ADAMTS17: variants seen among roughly 807,000 people sequenced by gnomAD.
The protein encoded by ADAMTS17 is A disintegrin and metalloproteinase with thrombospondin motifs 17.
Under a neutral mutation model 141.5 loss-of-function variants are expected in ADAMTS17, and 113 were observed. That is an observed-to-expected ratio of 0.80 (90% CI 0.69 to 0.93). ADAMTS17 has a LOEUF of 0.93. Ranked by LOEUF, ADAMTS17 falls within the 40% of genes least tolerant of loss-of-function variation. The pLI, the probability that ADAMTS17 is intolerant of heterozygous loss-of-function variation, is 0.00. For missense variants in ADAMTS17, 1,659 were observed against 1,517.9 expected (o/e 1.09, Z -1.54); for synonymous variants, 768 against 630.6 (o/e 1.22, Z -3.27).
chr15:100,130,979 A>G (rs932365915), intron 12 of ADAMTS17, among the ~76,000 whole-genome samples: 1 of 152,204 alleles, frequency 6.6e-6, no homozygotes, highest in African/African-American at 2.4e-5. Context: ...ATGCCCATCA[A>G]TGATAGACTG....
intron 18 of ADAMTS17, among the ~76,000 whole-genome samples, chr15:100,031,652 AT>A (rs560233629): frequency 3.6e-4 from 55 of 152,182 alleles, no homozygotes; most frequent in Non-Finnish European, 6.3e-4. Context: ...ATGAAATCTC[AT>A]TTTCGACATA....
chr15:100,136,833 G>A (rs532605410), intron 10 of ADAMTS17, among the ~76,000 whole-genome samples: 11 of 152,312 alleles, frequency 7.2e-5, no homozygotes, highest in East Asian at 3.9e-4. Flanking sequence ...GCCCAGAGGC[G>A]TGTCCTGATA....
rs756107807 is a variant in ADAMTS17 at position 100,054,041 on chromosome 15, C to T, written c.2151G>A (p.Ser717=). ...AGTCACTGTTGATGGACCCCTTACCCGAGTCTTTGAGAGCTAGAAAGCAAG... is the reference window on the plus strand; with the variant it reads ...AGTCACTGTTGATGGACCCCTTACCTGAGTCTTTGAGAGCTAGAAAGCAAG... ...SHARGTALKD[S]GKGSINSDWK... Residue 717 remains serine, a synonymous_variant, in exon 16 of 22, where the codon TCG becomes TCA. Coordinates refer to ENST00000268070, the MANE Select transcript of ADAMTS17 (RefSeq NM_139057.4). 1.1e-5 allele frequency: 17 copies of T among 1,614,044 alleles called. No homozygotes were observed. Among genetic ancestry groups the T allele is most frequent in the Admixed American group, 8.3e-5 (5 of 59,994 alleles).
At chr15:100,304,491 C>T (rs2045154527) in intron 3 of ADAMTS17, among the ~76,000 whole-genome samples, 1 of 152,084 alleles carries the variant, frequency 6.6e-6, no homozygotes, top group African/African-American at 2.4e-5. Flanking sequence ...TCAAACTTCC[C>T]GAAGTCTTCA....
At chr15:100,002,134 C>A (rs1462956846) in intron 18 of ADAMTS17, among the ~76,000 whole-genome samples, 1 of 151,592 alleles carries the variant, frequency 6.6e-6, no homozygotes, top group Non-Finnish European at 1.5e-5. Context: ...AACATATTAA[C>A]TTCCCCATCC....
At chr15:100,063,832 C>T in intron 15 of ADAMTS17, 1 of 1,065,734 alleles carries the variant, frequency 9.4e-7, no homozygotes, top group Non-Finnish European at 1.3e-6. Flanking sequence ...ATCCCCCGGC[C>T]AAAATCTAGC....
chr15:100,123,630 C>G (rs1403576806), intron 12 of ADAMTS17, among the ~76,000 whole-genome samples: 1 of 152,234 alleles, frequency 6.6e-6, no homozygotes, highest in Non-Finnish European at 1.5e-5. Context: ...AGAGGGCTCC[C>G]ATTTTGCTGG....
At chr15:99,994,989 G>A (rs1364883477) in intron 19 of ADAMTS17, among the ~76,000 whole-genome samples, 1 of 152,280 alleles carries the variant, frequency 6.6e-6, no homozygotes, top group Non-Finnish European at 1.5e-5. Context: ...CCTGCAGGGA[G>A]TGGGGAGAGT....
intron 20 of ADAMTS17, among the ~76,000 whole-genome samples, chr15:99,986,876 G>A (rs1426861530): frequency 4.6e-5 from 7 of 152,198 alleles, no homozygotes; most frequent in Non-Finnish European, 8.8e-5. Flanking sequence ...CTACTATCCC[G>A]GGTGGGAAGG....
chr15:100,029,723 G>C (rs1176684956), intron 18 of ADAMTS17, among the ~76,000 whole-genome samples: 3 of 152,184 alleles, frequency 2.0e-5, no homozygotes, highest in African/African-American at 7.2e-5. Flanking sequence ...TCTACTGAAG[G>C]ATTTTTGCAT....
At chr15:100,313,045 C>T (rs1226025509) in intron 3 of ADAMTS17, among the ~76,000 whole-genome samples, 1 of 152,108 alleles carries the variant, frequency 6.6e-6, no homozygotes, top group Non-Finnish European at 1.5e-5. Flanking sequence ...ACTATAGTCA[C>T]AAAAAAGCAT....
rs2032018595 is a variant in ADAMTS17, at chr15:100,050,037, TG to T, written c.2456-1046del. On this transcript the variant is annotated intron_variant, in intron 17 of 21. Transcript: ENST00000268070. ...ACTATTTGGATCCTGGGCTCCCTGCTGGGTCTGTGTCCTGGGCAATTTGTCA... is the reference window on the plus strand; with the variant it reads ...ACTATTTGGATCCTGGGCTCCCTGCTGGTCTGTGTCCTGGGCAATTTGTCA... Among the ~76,000 whole-genome samples, 5 of 152,350 alleles carry T rather than the reference TG, an allele frequency of 3.3e-5. No individual in the cohort carries two copies. The South Asian group carries it at 1.0e-3, about 32-fold the overall frequency.
rs557743613 is a variant in ADAMTS17 at position 99,994,573 on chromosome 15, AT to A, written c.2797-1374del. On this transcript the variant is annotated intron_variant, in intron 19 of 21. Coordinates refer to ENST00000268070, the MANE Select transcript of ADAMTS17 (RefSeq NM_139057.4). The stretch of plus-strand genomic sequence containing the variant: ...ATATGATCTAGCTTTCTCTTTTTTT[AT>A]TTTTTATTTTGAGACGGAGTCTCGC... 3.2e-3 allele frequency among the ~76,000 whole-genome samples: 485 copies of A among 151,252 alleles called. 1 individual carries two copies. The highest frequency in any genetic ancestry group is 0.011 in the African/African-American group (445 of 41,270).
At chr15:100,325,001 G>A (rs779411556) in intron 3 of ADAMTS17, among the ~76,000 whole-genome samples, 4 of 152,214 alleles carry the variant, frequency 2.6e-5, no homozygotes, top group Admixed American at 6.5e-5. Context: ...ACCAGCCAAC[G>A]ATGGTGTCTA....
At chr15:100,291,886 G>A (rs894873520) in intron 3 of ADAMTS17, among the ~76,000 whole-genome samples, 3 of 152,172 alleles carry the variant, frequency 2.0e-5, no homozygotes, top group South Asian at 2.1e-4. Context: ...CCCACGATGC[G>A]ATTTATTTGT....
chr15:100,123,421 C>T (rs1489706967), intron 12 of ADAMTS17, among the ~76,000 whole-genome samples: 1 of 152,180 alleles, frequency 6.6e-6, no homozygotes, highest in African/African-American at 2.4e-5. Context: ...CCAGTCTTTC[C>T]CTCACCCTCT....
chr15:100,218,525 T>C (rs1482062478), intron 7 of ADAMTS17, among the ~76,000 whole-genome samples: 4 of 152,142 alleles, frequency 2.6e-5, no homozygotes, highest in Non-Finnish European at 5.9e-5. Context: ...AAAACCACAA[T>C]AAGATACTAC....
At chr15:100,334,552 T>C (rs535421528) in intron 2 of ADAMTS17, among the ~76,000 whole-genome samples, 1 of 151,936 alleles carries the variant, frequency 6.6e-6, no homozygotes, top group Non-Finnish European at 1.5e-5. Flanking sequence ...CCTCTGACTC[T>C]CCGGCGGGCA....
At chr15:100,125,820 A>G in intron 12 of ADAMTS17, among the ~76,000 whole-genome samples, 1 of 152,162 alleles carries the variant, frequency 6.6e-6, no homozygotes, top group East Asian at 1.9e-4. Context: ...AGCTGTGAAG[A>G]CCAAGACTAA....
Sources: gnomAD v4.1 joint callset for allele counts (sites outside exome capture counted in the v4.1 genomes callset) on GRCh38, gnomAD v4.1.1 for gene constraint, MANE v1.5 for transcripts, NCBI Gene and HGNC (gene_info 2026-07-23, HGNC 2026-07-21) for gene names.